The following CPA6 variants were observed in gnomAD, a reference collection of about 807,000 sequenced individuals.
The protein encoded by CPA6 is carboxypeptidase A6, also known as carboxypeptidase B.
CPA6 carries 58 observed loss-of-function variants against 63.3 expected under a neutral mutation model. The observed-to-expected ratio is 0.92, with a 90% CI of 0.74 to 1.14. The LOEUF (loss-of-function observed/expected upper bound fraction) is 1.14, where lower values mean the gene tolerates loss of function less well. Ranked by LOEUF, CPA6 falls within the 50% of genes most tolerant of loss-of-function variation. CPA6 has a pLI of 0.00. For missense variants in CPA6, 565 were observed against 526.6 expected (o/e 1.07, Z -0.71); for synonymous variants, 185 against 179.0 (o/e 1.03, Z -0.27).
chr8:67,716,150 T>TC (rs1280282426), intron 1 of CPA6, among the ~76,000 whole-genome samples: 2 of 44,822 alleles, frequency 4.5e-5, no homozygotes, highest in East Asian at 1.8e-3. Flanking sequence ...TGAGCTTGTC[T>TC]CAAAAAAAAA....
At chr8:67,464,284 CAT>C (rs759214674) in intron 8 of CPA6, among the ~76,000 whole-genome samples, 9 of 152,038 alleles carry the variant, frequency 5.9e-5, no homozygotes, top group African/African-American at 1.7e-4. Context: ...AGCATTTTTT[CAT>C]ATGTTTGTTG....
intron 6 of CPA6, among the ~76,000 whole-genome samples, chr8:67,503,437 C>G (rs761672914): frequency 2.6e-5 from 4 of 151,390 alleles, no homozygotes; most frequent in Non-Finnish European, 5.9e-5. Flanking sequence ...GCTGGGACTA[C>G]AGGCATGCAC....
intron 2 of CPA6, among the ~76,000 whole-genome samples, chr8:67,594,684 C>G (rs1477215740): frequency 2.0e-5 from 3 of 152,202 alleles, no homozygotes; most frequent in Non-Finnish European, 4.4e-5. Context: ...GCTCCTGAGG[C>G]TTCTGCATTC....
At chr8:67,439,241 T>C (rs2128953395) in intron 8 of CPA6, among the ~76,000 whole-genome samples, 1 of 152,124 alleles carries the variant, frequency 6.6e-6, no homozygotes, top group South Asian at 2.1e-4. Flanking sequence ...TACAGTGAGT[T>C]GTGATGGTGC....
intron 2 of CPA6, among the ~76,000 whole-genome samples, chr8:67,617,382 A>G (rs1204697508): frequency 6.6e-6 from 1 of 152,230 alleles, no homozygotes; most frequent in Non-Finnish European, 1.5e-5. Context: ...GCAGTTGGAC[A>G]TCTGCCTGGA....
At chr8:67,726,108 G>A (rs1817591686) in intron 1 of CPA6, among the ~76,000 whole-genome samples, 1 of 152,046 alleles carries the variant, frequency 6.6e-6, no homozygotes, top group Non-Finnish European at 1.5e-5. Context: ...CAAGACAGAG[G>A]CCAAGAAAAA....
intron 1 of CPA6, among the ~76,000 whole-genome samples, chr8:67,718,552 G>A (rs1159827268): frequency 6.6e-6 from 1 of 152,008 alleles, no homozygotes; most frequent in Non-Finnish European, 1.5e-5. Context: ...TCTGCCAAGA[G>A]TCTCTTCTCC....
intron 8 of CPA6, among the ~76,000 whole-genome samples, chr8:67,471,311 T>C (rs930699253): frequency 2.6e-5 from 4 of 152,226 alleles, no homozygotes; most frequent in African/African-American, 9.7e-5. Flanking sequence ...GTCTAGCATG[T>C]GTAACAACCT....
intron 8 of CPA6, among the ~76,000 whole-genome samples, chr8:67,471,881 T>A (rs1811066765): frequency 6.6e-6 from 1 of 152,138 alleles, no homozygotes; most frequent in African/African-American, 2.4e-5. Context: ...AGGAATATAA[T>A]GCAATAATGC....
At chr8:67,423,282 A>T (rs945686002) in intron 10 of CPA6, among the ~76,000 whole-genome samples, 2 of 152,092 alleles carry the variant, frequency 1.3e-5, no homozygotes, top group Non-Finnish European at 2.9e-5. Flanking sequence ...ACAGGGTTTT[A>T]CCATGTTGAC....
At chr8:67,511,766 A>T (rs1023834059) in intron 3 of CPA6, 111 bp from the exon 4 acceptor site, 7 of 670,292 alleles carry the variant, frequency 1.0e-5, no homozygotes, top group Non-Finnish European at 1.9e-5. Context: ...GTGGTGATCA[A>T]TATTCCTAAA....
chr8:67,526,131 T>C (rs374609066), intron 2 of CPA6, among the ~76,000 whole-genome samples: 1 of 152,180 alleles, frequency 6.6e-6, no homozygotes, highest in East Asian at 1.9e-4. Flanking sequence ...CGACTTATTA[T>C]GGAATTTGGA....
intron 2 of CPA6, among the ~76,000 whole-genome samples, chr8:67,564,476 T>C (rs1424388364): frequency 6.6e-6 from 1 of 152,038 alleles, no homozygotes; most frequent in African/African-American, 2.4e-5. Flanking sequence ...GCTTATTTAA[T>C]TCAGGCCTCC....
intron 2 of CPA6, among the ~76,000 whole-genome samples, chr8:67,567,450 C>T (rs573829048): frequency 1.1e-4 from 17 of 152,128 alleles, no homozygotes; most frequent in Non-Finnish European, 1.6e-4. Context: ...AGGAGTTTTG[C>T]CATCAAAACA....
At chr8:67,579,926 A>G (rs1468566569) in intron 2 of CPA6, among the ~76,000 whole-genome samples, 1 of 152,268 alleles carries the variant, frequency 6.6e-6, no homozygotes, top group East Asian at 1.9e-4. Context: ...GTATCTTTAC[A>G]GAAAGTTTGT....
chr8:67,484,894 T>C (rs1811444802), intron 6 of CPA6, 105 bp from the exon 7 acceptor site: 2 of 559,270 alleles, frequency 3.6e-6, no homozygotes, highest in Non-Finnish European at 6.4e-6. Flanking sequence ...TACGGTGGTT[T>C]AAAAAGTCAT....
intron 1 of CPA6, among the ~76,000 whole-genome samples, chr8:67,673,192 T>C (rs562743701): frequency 1.3e-5 from 2 of 152,124 alleles, no homozygotes; most frequent in East Asian, 3.9e-4. Context: ...TACATTCACC[T>C]CTCTTCTCTG....
At chr8:67,492,035 G>A (rs1253821161) in intron 6 of CPA6, among the ~76,000 whole-genome samples, 1 of 152,174 alleles carries the variant, frequency 6.6e-6, no homozygotes, top group Non-Finnish European at 1.5e-5. Flanking sequence ...ATGGATGGTG[G>A]AAAGAGGAAA....
intron 2 of CPA6, among the ~76,000 whole-genome samples, chr8:67,607,233 TCTTCTTCTTCTTCTTCTTCTC>T (rs1564021427): frequency 9.2e-5 from 10 of 108,706 alleles, no homozygotes; most frequent in Non-Finnish European, 1.6e-4. Flanking sequence ...TTCTTCTTCT[TCTTCTTCTTCTTCTTCTTCTC>T]CTCCTCCTCC....
Sources: gnomAD v4.1 joint callset for allele counts (sites outside exome capture counted in the v4.1 genomes callset) on GRCh38, gnomAD v4.1.1 for gene constraint, MANE v1.5 for transcripts, NCBI Gene and HGNC (gene_info 2026-07-23, HGNC 2026-07-21) for gene names.